The following SMG6 variants were observed in gnomAD, a reference collection of about 807,000 sequenced individuals.
The protein encoded by SMG6 is telomerase-binding protein EST1A.
In SMG6, 66 loss-of-function variants were observed where a neutral mutation model predicts 142.2. That is an observed-to-expected ratio of 0.46 (90% CI 0.38 to 0.57). SMG6 has a LOEUF of 0.57. SMG6 is among the 20% of genes least tolerant of loss of function. The pLI is 0.00. For synonymous variants in SMG6, 779 were observed against 702.4 expected (o/e 1.11, Z -1.72); for missense variants, 1,793 against 1,832.0 (o/e 0.98, Z 0.39).
intron 8 of SMG6, among the ~76,000 whole-genome samples, chr17:2,261,739 GCA>G (rs2074320041): frequency 6.6e-6 from 1 of 152,164 alleles, no homozygotes; most frequent in African/African-American, 2.4e-5. Context: ...ATCTGTTCAT[GCA>G]AACAAAAAGA....
intron 10 of SMG6, among the ~76,000 whole-genome samples, chr17:2,218,544 T>C (rs762967535): frequency 6.6e-6 from 1 of 151,860 alleles, no homozygotes; most frequent in Non-Finnish European, 1.5e-5. Context: ...AGACTCCGTC[T>C]CAAAAAAAAA....
chr17:2,105,474 C>T (rs773499853), intron 13 of SMG6, among the ~76,000 whole-genome samples: 2 of 152,028 alleles, frequency 1.3e-5, no homozygotes, highest in African/African-American at 2.4e-5. Flanking sequence ...ACTTGGGAGG[C>T]GGAGAGTGCA....
intron 10 of SMG6, among the ~76,000 whole-genome samples, chr17:2,217,785 C>T (rs1477215273): frequency 4.0e-5 from 6 of 151,844 alleles, no homozygotes; most frequent in Non-Finnish European, 8.8e-5. Flanking sequence ...CCGAGGCGGG[C>T]AGATAACAAG....
intron 10 of SMG6, among the ~76,000 whole-genome samples, chr17:2,234,274 A>T (rs988084536): frequency 1.3e-5 from 2 of 150,792 alleles, no homozygotes; most frequent in East Asian, 1.9e-4. Flanking sequence ...TATTATTATT[A>T]TTTTTTGAGA....
At chr17:2,065,700 A>C in intron 16 of SMG6, 21 bp from the exon 17 acceptor site, 3 of 1,594,638 alleles carry the variant, frequency 1.9e-6, no homozygotes, top group Middle Eastern at 1.7e-4. Context: ...AGAGCCCCAC[A>C]AGGTATCAGC....
At chr17:2,228,101 T>C (rs1234478674) in intron 10 of SMG6, among the ~76,000 whole-genome samples, 1 of 152,242 alleles carries the variant, frequency 6.6e-6, no homozygotes. Flanking sequence ...TCTCGCTCTG[T>C]CACCCAGGCT....
chr17:2,225,085 C>T (rs529118465), intron 10 of SMG6, among the ~76,000 whole-genome samples: 14 of 152,276 alleles, frequency 9.2e-5, no homozygotes, highest in African/African-American at 2.6e-4. Flanking sequence ...AAGAACTTCA[C>T]TAAATACATT....
At chr17:2,212,013 T>C (rs949696041) in intron 10 of SMG6, among the ~76,000 whole-genome samples, 8 of 152,198 alleles carry the variant, frequency 5.3e-5, no homozygotes, top group African/African-American at 1.7e-4. Context: ...CAATTTCAAA[T>C]CTGATCAGCA....
At chr17:2,272,568 G>C (rs955269493) in intron 8 of SMG6, among the ~76,000 whole-genome samples, 2 of 152,190 alleles carry the variant, frequency 1.3e-5, no homozygotes, top group African/African-American at 4.8e-5. Context: ...CAAAATTTGA[G>C]TCACCTGAGG....
chr17:2,243,761 G>A (rs1404215901), intron 9 of SMG6, among the ~76,000 whole-genome samples: 2 of 152,228 alleles, frequency 1.3e-5, no homozygotes, highest in South Asian at 4.1e-4. Context: ...CAATAACTGG[G>A]GTATTCATAA....
At chr17:2,163,858 T>A (rs2071252997) in intron 13 of SMG6, among the ~76,000 whole-genome samples, 1 of 152,100 alleles carries the variant, frequency 6.6e-6, no homozygotes, top group South Asian at 2.1e-4. Flanking sequence ...AGGTCAGGAG[T>A]TCGCGACCAG....
chr17:2,092,712 A>G (rs2068757483), intron 13 of SMG6, among the ~76,000 whole-genome samples: 2 of 152,248 alleles, frequency 1.3e-5, no homozygotes. Context: ...GAGGTAAATA[A>G]AGTATAAAAA....
intron 8 of SMG6, among the ~76,000 whole-genome samples, chr17:2,253,151 A>ATTTC (rs2074086084): frequency 6.8e-6 from 1 of 147,570 alleles, no homozygotes; most frequent in Non-Finnish European, 1.5e-5. Flanking sequence ...TTATTTATTT[A>ATTTC]TTTATTTTGA....
chr17:2,252,752 C>T (rs2074076023), intron 8 of SMG6, among the ~76,000 whole-genome samples: 1 of 152,046 alleles, frequency 6.6e-6, no homozygotes, highest in South Asian at 2.1e-4. Flanking sequence ...AGGGGCACTT[C>T]GAATCAACAT....
intron 8 of SMG6, among the ~76,000 whole-genome samples, chr17:2,252,590 T>C (rs1372593222): frequency 6.6e-6 from 1 of 152,216 alleles, no homozygotes; most frequent in Non-Finnish European, 1.5e-5. Flanking sequence ...GGAAGTCACA[T>C]AAATCTTCTA....
chr17:2,291,288 G>A (rs571774682), intron 6 of SMG6, among the ~76,000 whole-genome samples: 38 of 151,480 alleles, frequency 2.5e-4, no homozygotes, highest in East Asian at 1.4e-3. Flanking sequence ...CCGAGATCGC[G>A]CCACTGCACT....
intron 13 of SMG6, chr17:2,087,823 A>G (rs2068606824): frequency 1.0e-6 from 1 of 985,664 alleles, no homozygotes; most frequent in Non-Finnish European, 1.2e-6. Context: ...CTTGCATAGG[A>G]AACTTCTGCA....
At chr17:2,172,542 A>G (rs1346461958) in intron 13 of SMG6, 116 bp downstream of exon 13, 3 of 1,098,468 alleles carry the variant, frequency 2.7e-6, no homozygotes, top group Non-Finnish European at 4.0e-6. Context: ...TTCCCTTAAC[A>G]CCCTTCTCAA....
At chr17:2,096,594 T>C (rs1232125040) in intron 13 of SMG6, among the ~76,000 whole-genome samples, 1 of 152,018 alleles carries the variant, frequency 6.6e-6, no homozygotes, top group Non-Finnish European at 1.5e-5. Context: ...GATCCTCCTG[T>C]ATTGGCCTCC....
Sources: allele counts gnomAD v4.1 joint callset (sites outside exome capture counted in the v4.1 genomes callset), GRCh38; gene constraint gnomAD v4.1.1; transcripts MANE v1.5; gene names NCBI Gene and HGNC (gene_info 2026-07-23, HGNC 2026-07-21).